Variants in SH3RF3 observed in about 807,000 individuals in gnomAD.
SH3RF3 encodes E3 ubiquitin-protein ligase SH3RF3.
Under a neutral mutation model 66.3 loss-of-function variants are expected in SH3RF3, and 29 were observed. The observed-to-expected ratio is 0.44, with a 90% confidence interval of 0.33 to 0.60. The LOEUF (loss-of-function observed/expected upper bound fraction) is 0.60. SH3RF3 is among the 20% of genes least tolerant of loss of function. The pLI, the probability that SH3RF3 is intolerant of heterozygous loss-of-function variation, is 0.04. For synonymous variants in SH3RF3, 583 were observed against 532.0 expected (o/e 1.10, Z -1.32); for missense variants, 1,194 against 1,190.9 (o/e 1.00, Z -0.04).
At chr2:109,262,464 A>G (rs753295256) in intron 1 of SH3RF3, among the ~76,000 whole-genome samples, 8 of 152,216 alleles carry the variant, frequency 5.3e-5, no homozygotes, top group Admixed American at 3.3e-4. Flanking sequence ...AAGAGCCCAT[A>G]GGACAGTGTC....
At chr2:109,426,993 G>A (rs762200445) in intron 5 of SH3RF3, among the ~76,000 whole-genome samples, 2 of 151,458 alleles carry the variant, frequency 1.3e-5, no homozygotes, top group South Asian at 2.1e-4. Context: ...TTTTTGAGAC[G>A]AGTCTCGCTC....
chr2:109,242,053 C>T (rs1574523802), intron 1 of SH3RF3, among the ~76,000 whole-genome samples: 1 of 152,030 alleles, frequency 6.6e-6, no homozygotes, highest in Admixed American at 6.6e-5. Flanking sequence ...AAGTGGCTGG[C>T]TCTGGTGTAG....
At chr2:109,303,003 A>G (rs1293778466) in intron 1 of SH3RF3, among the ~76,000 whole-genome samples, 2 of 151,910 alleles carry the variant, frequency 1.3e-5, no homozygotes. Flanking sequence ...CAGCCTCCCT[A>G]GTAGCTGGGA....
chr2:109,491,138 G>A (rs542152317), intron 9 of SH3RF3, among the ~76,000 whole-genome samples: 1 of 152,330 alleles, frequency 6.6e-6, no homozygotes, highest in African/African-American at 2.4e-5. Context: ...GTTATTTCAT[G>A]TTCTGCATCC....
intron 1 of SH3RF3, among the ~76,000 whole-genome samples, chr2:109,334,096 C>T (rs544943810): frequency 1.3e-5 from 2 of 152,134 alleles, no homozygotes; most frequent in Non-Finnish European, 2.9e-5. Flanking sequence ...CAGAGGCTCA[C>T]GCCTATAATC....
intron 1 of SH3RF3, among the ~76,000 whole-genome samples, chr2:109,281,321 C>T (rs954000297): frequency 2.0e-5 from 3 of 152,210 alleles, no homozygotes; most frequent in Admixed American, 6.5e-5. Flanking sequence ...TCTTCCTTCC[C>T]CGGGCCCCCT....
intron 1 of SH3RF3, among the ~76,000 whole-genome samples, chr2:109,134,186 G>A (rs1319265255): frequency 6.6e-6 from 1 of 152,160 alleles, no homozygotes; most frequent in Non-Finnish European, 1.5e-5. Flanking sequence ...TTATTTTGAG[G>A]CCCAGAGAGA....
intron 8 of SH3RF3, among the ~76,000 whole-genome samples, chr2:109,466,870 T>C: frequency 6.6e-6 from 1 of 152,180 alleles, no homozygotes; most frequent in East Asian, 1.9e-4. Context: ...CATGTGTGTA[T>C]ATGTTTGTGT....
chr2:109,176,089 G>C (rs2104965175), intron 1 of SH3RF3, among the ~76,000 whole-genome samples: 1 of 152,284 alleles, frequency 6.6e-6, no homozygotes, highest in East Asian at 1.9e-4. Flanking sequence ...ACACTGGAAA[G>C]CCTCATTCTG....
At chr2:109,300,489 G>T (rs900087557) in intron 1 of SH3RF3, among the ~76,000 whole-genome samples, 2 of 152,142 alleles carry the variant, frequency 1.3e-5, no homozygotes, top group African/African-American at 4.8e-5. Flanking sequence ...CGCACCCTGA[G>T]TTTTTATACC....
intron 8 of SH3RF3, among the ~76,000 whole-genome samples, chr2:109,471,798 C>G (rs1678519660): frequency 6.6e-6 from 1 of 152,206 alleles, no homozygotes; most frequent in Admixed American, 6.5e-5. Flanking sequence ...TCCTGGATAG[C>G]TTGTCCTGCC....
intron 1 of SH3RF3, among the ~76,000 whole-genome samples, chr2:109,207,159 G>A (rs1678860441): frequency 6.6e-6 from 1 of 152,166 alleles, no homozygotes; most frequent in Non-Finnish European, 1.5e-5. Flanking sequence ...GTGCAATGAC[G>A]ACACAGTGCC....
intron 1 of SH3RF3, among the ~76,000 whole-genome samples, chr2:109,297,069 G>C (rs1681329470): frequency 6.6e-6 from 1 of 152,038 alleles, no homozygotes; most frequent in Non-Finnish European, 1.5e-5. Context: ...GACTGCAGCT[G>C]TTGGTCCAGG....
Position 109,142,158 on chromosome 2 carries a change from A to G in SH3RF3, c.573+12045A>G, listed in dbSNP as rs370542255. Among the ~76,000 whole-genome samples the G allele has an allele frequency of 5.9e-5, 9 of 151,838 alleles. No homozygotes were observed. In the South Asian group the frequency reaches 1.9e-3, roughly 32 times the overall value. On this transcript the variant is annotated intron_variant, in intron 1 of 9. Transcript: ENST00000309415. ...GGTCCCTGAGCTCCTGGAGAGCAGCAAGGGAATGCTTCCCATGGTCCAGCC... is the reference window on the plus strand; with the variant it reads ...GGTCCCTGAGCTCCTGGAGAGCAGCGAGGGAATGCTTCCCATGGTCCAGCC...
In SH3RF3 at chr2:109,337,468, A is replaced by T. The variant is rs12105750; in HGVS notation, c.574-10206A>T. ...CGCATATGGCGAAATGTTTTCCTCA[A>T]ATGGTGATAAGGGACTGTGCAGGCA... On this transcript the variant is annotated intron_variant, in intron 1 of 9. Transcript: ENST00000309415. 7.5e-3 allele frequency among the ~76,000 whole-genome samples: 1,146 copies of T among 152,272 alleles called. 13 individuals are homozygous for T. The highest frequency in any genetic ancestry group is 0.026 in the African/African-American group (1,093 of 41,546).
At chr2:109,459,568 A>G (rs1678158581) in intron 8 of SH3RF3, among the ~76,000 whole-genome samples, 1 of 152,154 alleles carries the variant, frequency 6.6e-6, no homozygotes, top group African/African-American at 2.4e-5. Context: ...TATCCCAGAC[A>G]TGCTCTTGCC....
intron 9 of SH3RF3, 97 bp downstream of exon 9, chr2:109,491,033 G>C (rs781169704): frequency 5.3e-5 from 64 of 1,205,608 alleles, no homozygotes; most frequent in Non-Finnish European, 6.9e-5. Context: ...GGCCTTGCTG[G>C]GATTAGGTTT....
At chr2:109,247,338 C>T (rs1446344250) in intron 1 of SH3RF3, among the ~76,000 whole-genome samples, 3 of 152,182 alleles carry the variant, frequency 2.0e-5, no homozygotes, top group African/African-American at 7.2e-5. Context: ...TGCAGCCCCT[C>T]CCTGAACTTC....
intron 8 of SH3RF3, among the ~76,000 whole-genome samples, chr2:109,489,076 G>A (rs746557666): frequency 6.6e-6 from 1 of 152,232 alleles, no homozygotes; most frequent in Non-Finnish European, 1.5e-5. Context: ...AGTGGGGAGC[G>A]AAGGCCGAGA....
Sources: allele counts gnomAD v4.1 joint callset (sites outside exome capture counted in the v4.1 genomes callset), GRCh38; gene constraint gnomAD v4.1.1; transcripts MANE v1.5; gene names NCBI Gene and HGNC (gene_info 2026-07-23, HGNC 2026-07-21).